Variants in PDE1C observed in about 807,000 individuals in gnomAD.
The protein encoded by PDE1C is phosphodiesterase 1C, also known as dual specificity calcium/calmodulin-dependent 3',5'-cyclic nucleotide phosphodiesterase 1C.
Under a neutral mutation model 93.1 loss-of-function variants are expected in PDE1C, and 62 were observed. That is an observed-to-expected ratio of 0.67 (90% CI 0.54 to 0.82). PDE1C has a LOEUF of 0.82. PDE1C is among the 40% of genes least tolerant of loss of function. The probability of loss-of-function intolerance (pLI) is 0.00; values close to 1 mark genes in which losing one functional copy is unlikely to be tolerated. For synonymous variants in PDE1C, 325 were observed against 310.1 expected, an observed-to-expected ratio of 1.05 and a Z score of -0.50; for missense variants, 742 against 884.6, an observed-to-expected ratio of 0.84 and a Z score of 2.04.
chr7:31,781,912 C>T (rs528996016), intron 16 of PDE1C, among the ~76,000 whole-genome samples: 44 of 152,150 alleles, frequency 2.9e-4, no homozygotes, highest in Middle Eastern at 3.4e-3. Context: ...TTAAATGTGG[C>T]TTTCAAAATA....
At chr7:32,113,152 A>C (rs1209112790) in intron 3 of PDE1C, among the ~76,000 whole-genome samples, 2 of 147,846 alleles carry the variant, frequency 1.4e-5, no homozygotes, top group Non-Finnish European at 3.0e-5. Flanking sequence ...AGATGCTATC[A>C]AATCATGACA....
intron 3 of PDE1C, among the ~76,000 whole-genome samples, chr7:32,139,492 C>T (rs1800400698): frequency 6.6e-6 from 1 of 151,974 alleles, no homozygotes; most frequent in Non-Finnish European, 1.5e-5. Flanking sequence ...TAGCCAGCCT[C>T]ATGAGTTATC....
chr7:31,970,365 A>C (rs1364984029), intron 2 of PDE1C, among the ~76,000 whole-genome samples: 1 of 152,218 alleles, frequency 6.6e-6, no homozygotes, highest in Non-Finnish European at 1.5e-5. Flanking sequence ...TCAAATAGTG[A>C]AAACAACCAA....
intron 3 of PDE1C, among the ~76,000 whole-genome samples, chr7:32,081,820 T>C (rs1242848963): frequency 1.3e-5 from 2 of 152,360 alleles, no homozygotes; most frequent in Non-Finnish European, 2.9e-5. Flanking sequence ...AGGAGATTTA[T>C]TTAATAACCA....
At chr7:32,118,205 A>G (rs1309058449) in intron 3 of PDE1C, among the ~76,000 whole-genome samples, 1 of 152,226 alleles carries the variant, frequency 6.6e-6, no homozygotes, top group Non-Finnish European at 1.5e-5. Context: ...ATCACCACAG[A>G]CAAGTATAGA....
intron 1 of PDE1C, among the ~76,000 whole-genome samples, chr7:32,325,899 T>C (rs1783394168): frequency 1.3e-5 from 2 of 152,182 alleles, no homozygotes; most frequent in Admixed American, 6.5e-5. Flanking sequence ...GGGCTAAGAA[T>C]AGACCATTTA....
At chr7:31,714,518 G>A in the PDE1C span, among the ~76,000 whole-genome samples, 9 of 152,074 alleles carry the variant, frequency 5.9e-5, no homozygotes, top group South Asian at 2.1e-4. Flanking sequence ...GTGTCTTTTC[G>A]GCAGTGCCCC....
chr7:31,729,331 G>A, the PDE1C span, among the ~76,000 whole-genome samples: 6 of 152,018 alleles, frequency 3.9e-5, no homozygotes, highest in African/African-American at 7.2e-5. Context: ...GCTCTTTATC[G>A]AAGGCTCTGC....
intron 1 of PDE1C, among the ~76,000 whole-genome samples, chr7:32,061,198 T>C (rs897220684): frequency 2.6e-5 from 4 of 152,222 alleles, no homozygotes; most frequent in Admixed American, 2.0e-4. Flanking sequence ...CTCCATGCAC[T>C]CTCATACTGA....
chr7:31,721,663 C>T, the PDE1C span, among the ~76,000 whole-genome samples: 140 of 152,288 alleles, frequency 9.2e-4, no homozygotes, highest in Non-Finnish European at 1.6e-3. Context: ...ATGTTAAATG[C>T]TAATCAACAT....
chr7:32,327,403 T>A (rs1227914585), intron 1 of PDE1C, among the ~76,000 whole-genome samples: 1 of 152,202 alleles, frequency 6.6e-6, no homozygotes, highest in Non-Finnish European at 1.5e-5. Flanking sequence ...AGCCCTCTCA[T>A]GCCGCCTCCC....
At chr7:31,668,771 A>G in the PDE1C span, among the ~76,000 whole-genome samples, 3 of 151,356 alleles carry the variant, frequency 2.0e-5, no homozygotes, top group South Asian at 6.3e-4. Flanking sequence ...TGGTTGCACA[A>G]TTCTGTAACT....
the PDE1C span, among the ~76,000 whole-genome samples, chr7:31,661,027 T>G: frequency 6.6e-6 from 1 of 152,032 alleles, no homozygotes; most frequent in African/African-American, 2.4e-5. Context: ...TGCAAGGGAA[T>G]CGGATTTGTT....
intron 1 of PDE1C, among the ~76,000 whole-genome samples, chr7:32,268,308 T>G (rs1201875096): frequency 6.6e-6 from 1 of 152,210 alleles, no homozygotes; most frequent in Non-Finnish European, 1.5e-5. Context: ...AACTGCTGTG[T>G]TGGCCCCATC....
the PDE1C span, among the ~76,000 whole-genome samples, chr7:31,691,797 T>TAAA: frequency 0.01 from 886 of 86,306 alleles, 5 homozygotes; most frequent in Non-Finnish European, 0.015. Context: ...ATGTAATGAT[T>TAAA]AAAAAAAAAA....
intron 3 of PDE1C, among the ~76,000 whole-genome samples, chr7:32,129,283 A>G (rs1317553093): frequency 6.6e-6 from 1 of 151,874 alleles, no homozygotes; most frequent in Non-Finnish European, 1.5e-5. Context: ...TCATGCAAAG[A>G]GAAGATTATC....
At chr7:31,626,384 T>C in the PDE1C span, among the ~76,000 whole-genome samples, 1 of 152,222 alleles carries the variant, frequency 6.6e-6, no homozygotes, top group Non-Finnish European at 1.5e-5. Flanking sequence ...AACCTTATGT[T>C]CTAAGAAGTG....
intron 1 of PDE1C, among the ~76,000 whole-genome samples, chr7:32,388,786 T>C (rs1784690290): frequency 6.6e-6 from 1 of 151,042 alleles, no homozygotes; most frequent in Non-Finnish European, 1.5e-5. Flanking sequence ...GTACAAACAG[T>C]AGAGATTTTG....
chr7:32,088,027 TAAA>T (rs56733244), intron 3 of PDE1C, among the ~76,000 whole-genome samples: 1 of 151,008 alleles, frequency 6.6e-6, no homozygotes, highest in Non-Finnish European at 1.5e-5. Context: ...AAATAAAAAA[TAAA>T]AAAAAGAAAA....
Sources: allele counts gnomAD v4.1 joint callset (sites outside exome capture counted in the v4.1 genomes callset), GRCh38; gene constraint gnomAD v4.1.1; transcripts MANE v1.5; gene names NCBI Gene and HGNC (gene_info 2026-07-23, HGNC 2026-07-21).